The following ETS1 variants were observed in gnomAD, a reference collection of about 807,000 sequenced individuals.
ETS1 encodes protein C-ets-1.
Under a neutral mutation model 58.6 loss-of-function variants are expected in ETS1, and 15 were observed. The ratio of observed to expected loss-of-function variants is 0.26; its 90% CI spans 0.17 to 0.39. The LOEUF is 0.39. Among genes scored for constraint, ETS1 ranks in the 10% least tolerant of loss-of-function variants. The pLI is 1.00. For missense variants in ETS1, 417 were observed against 610.5 expected (o/e 0.68, Z 3.34); for synonymous variants, 214 against 218.2 (o/e 0.98, Z 0.17).
At chr11:128,579,543 C>T (rs893513540) in intron 1 of ETS1, among the ~76,000 whole-genome samples, 5 of 151,872 alleles carry the variant, frequency 3.3e-5, no homozygotes, top group Non-Finnish European at 7.4e-5. Flanking sequence ...TGCCTGTAAT[C>T]CCAGCTACTT....
chr11:128,506,995 T>C (rs529080928), intron 3 of ETS1, among the ~76,000 whole-genome samples: 1 of 152,270 alleles, frequency 6.6e-6, no homozygotes, highest in East Asian at 1.9e-4. Context: ...GACAGGGCTC[T>C]TTCGCCCTCC....
At chr11:128,506,504 G>A (rs1047902008) in intron 3 of ETS1, among the ~76,000 whole-genome samples, 3 of 152,182 alleles carry the variant, frequency 2.0e-5, no homozygotes, top group East Asian at 1.9e-4. Context: ...TTGCAATGCA[G>A]AGTGAGTGAA....
At chr11:128,573,877 T>C (rs1465863174) in intron 1 of ETS1, among the ~76,000 whole-genome samples, 1 of 152,220 alleles carries the variant, frequency 6.6e-6, no homozygotes, top group Non-Finnish European at 1.5e-5. Flanking sequence ...ATAAACTTAA[T>C]ACTATGCATT....
intron 3 of ETS1, among the ~76,000 whole-genome samples, chr11:128,508,804 T>C (rs571760701): frequency 6.8e-4 from 103 of 152,380 alleles, no homozygotes; most frequent in African/African-American, 2.4e-3. Flanking sequence ...GACTAGCTCG[T>C]GTAGGCAGAG....
chr11:128,485,817 C>A (rs375486385), intron 6 of ETS1, among the ~76,000 whole-genome samples: 1 of 152,174 alleles, frequency 6.6e-6, no homozygotes, highest in South Asian at 2.1e-4. Context: ...AGTCTCTCTG[C>A]ATGACTTTCA....
chr11:128,481,370 A>G (rs915525200), intron 7 of ETS1, among the ~76,000 whole-genome samples: 1 of 152,118 alleles, frequency 6.6e-6, no homozygotes, highest in African/African-American at 2.4e-5. Flanking sequence ...ATGATTGCAC[A>G]ATAGCTCCTG....
At chr11:128,545,478 C>A (rs1432746056) in intron 3 of ETS1, among the ~76,000 whole-genome samples, 2 of 152,178 alleles carry the variant, frequency 1.3e-5, no homozygotes, top group African/African-American at 4.8e-5. Flanking sequence ...AAGTTGACCT[C>A]TCTGAGTCTT....
chr11:128,579,507 CA>C (rs1864819567), intron 1 of ETS1, among the ~76,000 whole-genome samples: 1 of 151,746 alleles, frequency 6.6e-6, no homozygotes, highest in South Asian at 2.1e-4. Context: ...ACTAAAAATA[CA>C]AAATTAGCCA....
At chr11:128,553,018 G>T (rs887918391) in intron 3 of ETS1, among the ~76,000 whole-genome samples, 2 of 150,548 alleles carry the variant, frequency 1.3e-5, no homozygotes, top group African/African-American at 5.0e-5. Flanking sequence ...GAGGAGGCAG[G>T]GTCAGTGGCT....
At chr11:128,470,442 CT>C (rs1250453903) in intron 8 of ETS1, among the ~76,000 whole-genome samples, 1 of 152,108 alleles carries the variant, frequency 6.6e-6, no homozygotes, top group Admixed American at 6.5e-5. Context: ...CTGGGCTTTA[CT>C]TTTTCCTTTC....
chr11:128,502,534 T>A (rs1039620489), intron 3 of ETS1, among the ~76,000 whole-genome samples: 5 of 152,166 alleles, frequency 3.3e-5, no homozygotes, highest in African/African-American at 1.2e-4. Context: ...CTGGGAAAGT[T>A]CCCTCCTCAT....
At chr11:128,581,384 C>T (rs1461605263) in intron 1 of ETS1, among the ~76,000 whole-genome samples, 1 of 152,074 alleles carries the variant, frequency 6.6e-6, no homozygotes, top group Non-Finnish European at 1.5e-5. Context: ...ACTGCCTTAC[C>T]ATAAAAGTGG....
chr11:128,517,057 T>A (rs753363940), intron 3 of ETS1, among the ~76,000 whole-genome samples: 9 of 152,224 alleles, frequency 5.9e-5, no homozygotes, highest in Non-Finnish European at 1.2e-4. Flanking sequence ...CCTTTCATTC[T>A]GAGGTAAGCA....
intron 3 of ETS1, among the ~76,000 whole-genome samples, chr11:128,552,200 G>A (rs567792164): frequency 1.3e-5 from 2 of 152,200 alleles, no homozygotes; most frequent in African/African-American, 2.4e-5. Flanking sequence ...CAGTTATAAC[G>A]GAAGAGCTGA....
chr11:128,531,247 G>A (rs1327766439), intron 3 of ETS1, among the ~76,000 whole-genome samples: 1 of 152,224 alleles, frequency 6.6e-6, no homozygotes, highest in African/African-American at 2.4e-5. Context: ...GAAAGCCTCA[G>A]TTTCTTCATC....
intron 3 of ETS1, among the ~76,000 whole-genome samples, chr11:128,512,098 A>G (rs1460364898): frequency 6.6e-6 from 1 of 152,202 alleles, no homozygotes; most frequent in Non-Finnish European, 1.5e-5. Flanking sequence ...AACAACAGAC[A>G]TGGAATTTTC....
chr11:128,533,606 T>G (rs1055283324), intron 3 of ETS1, among the ~76,000 whole-genome samples: 6 of 152,180 alleles, frequency 3.9e-5, no homozygotes, highest in Non-Finnish European at 1.5e-5. Flanking sequence ...TTACAGGCTT[T>G]TTTCCCTTCT....
At chr11:128,507,961 A>G (rs771029679) in intron 3 of ETS1, among the ~76,000 whole-genome samples, 4 of 152,240 alleles carry the variant, frequency 2.6e-5, no homozygotes, top group Non-Finnish European at 5.9e-5. Flanking sequence ...AATCCTGATA[A>G]CATCAATTCC....
chr11:128,546,004 G>C (rs979455260), intron 3 of ETS1, among the ~76,000 whole-genome samples: 1 of 152,232 alleles, frequency 6.6e-6, no homozygotes, highest in Non-Finnish European at 1.5e-5. Context: ...AGGCATTTCT[G>C]TCTCAAGGAG....
Sources: gnomAD v4.1 joint callset for allele counts (sites outside exome capture counted in the v4.1 genomes callset) on GRCh38, gnomAD v4.1.1 for gene constraint, MANE v1.5 for transcripts, NCBI Gene and HGNC (gene_info 2026-07-23, HGNC 2026-07-21) for gene names.